Variants in PPP1R9B observed in about 807,000 individuals in gnomAD.
The protein encoded by PPP1R9B is neurabin-2.
A neutral mutation model predicts 75.8 loss-of-function variants in PPP1R9B; 17 were observed. The observed-to-expected ratio is 0.22, with a 90% CI of 0.15 to 0.34. The LOEUF (loss-of-function observed/expected upper bound fraction) is 0.34, where lower values mean the gene tolerates loss of function less well. Among genes scored for constraint, PPP1R9B ranks in the 10% least tolerant of loss-of-function variants. PPP1R9B has a pLI of 1.00. For synonymous variants in PPP1R9B, 509 were observed against 535.4 expected (o/e 0.95, Z 0.68); for missense variants, 875 against 1,196.0 (o/e 0.73, Z 3.96).
In PPP1R9B at chr17:50,150,279, C is replaced by A; in HGVS notation, c.235G>T (p.Gly79Cys). The A allele has an allele frequency of 7.0e-7, 1 of 1,420,756 alleles. No individual in the cohort carries two copies. The highest frequency in any genetic ancestry group is 1.5e-5 in the South Asian group (1 of 68,108). 88.0% of individuals were successfully genotyped at this position (1,420,756 alleles called of 1,614,324 possible). A position where few individuals can be genotyped will look rare whatever the true frequency, so the allele number is the denominator to read the frequency against. Residue 79 changes from glycine to cysteine, a missense_variant, in exon 1 of 10, where the codon GGC becomes TGC. By Grantham distance (159) the Gly-to-Cys change is radical. Coordinates refer to ENST00000612501, the MANE Select transcript of PPP1R9B (RefSeq NM_032595.5). This position sits in a 1 kb window ranked among gnomAD's most constrained non-coding sequence, Gnocchi z 8.7. Reference sequence around the variant, plus strand: ...GACGCCCGTGGGGCCTCGGCCAGGCCCGCGCCGCCGCCCGCCTCGCCCGAG... The same window carrying A: ...GACGCCCGTGGGGCCTCGGCCAGGCACGCGCCGCCGCCCGCCTCGCCCGAG... ...GPSGEAGGGA[G>C]LAEAPRASER...
chr17:50,141,513 A>C, intron 3 of PPP1R9B, 140 bp from the exon 4 acceptor site: 1 of 543,758 alleles, frequency 1.8e-6, no homozygotes, highest in African/African-American at 1.9e-5. Context: ...AAAAAGAAAA[A>C]TTAGCTGGGC....
At position 50,136,283 on chromosome 17, in the gene PPP1R9B, C is replaced by T. The variant is rs1182249569; in HGVS notation, c.2074-86G>A. Reference sequence around the variant, plus strand: ...CATCCTAGCACTGGGGCCAGAGTCGCCAGGGGATTCCTACCGTTGTGGAGT... The same window carrying T: ...CATCCTAGCACTGGGGCCAGAGTCGTCAGGGGATTCCTACCGTTGTGGAGT... On this transcript the variant is annotated intron_variant, in intron 7 of 9. Coordinates refer to ENST00000612501, the MANE Select transcript of PPP1R9B (RefSeq NM_032595.5). 9 of 1,113,278 alleles carry T rather than the reference C, an allele frequency of 8.1e-6. No homozygotes were observed. In the East Asian group the frequency reaches 2.0e-4, roughly 25 times the overall value. The allele number at this position is 1,113,278 out of a possible 1,614,324, so 69.0% of individuals were successfully genotyped here.
Position 50,137,082 on chromosome 17 carries a change from C to T in PPP1R9B, c.2074-885G>A, listed in dbSNP as rs367654122. Among the ~76,000 whole-genome samples the T allele has an allele frequency of 1.4e-4, 21 of 152,194 alleles. No individual in the cohort carries two copies. In the South Asian group the frequency reaches 2.3e-3, roughly 17 times the overall value. ...CCTCAGACTTGCCACAGGGCCTTTA[C>T]GTGTGCTGTCCCCTCTGCCTGGAAT... On this transcript the variant is annotated intron_variant, in intron 7 of 9. Transcript: ENST00000612501.
At position 50,136,141 on chromosome 17, in the gene PPP1R9B, C is replaced by T; in HGVS notation, c.2130G>A (p.Glu710=). The T allele has an allele frequency of 6.2e-7, 1 of 1,606,178 alleles. No homozygotes were observed. The highest frequency in any genetic ancestry group is 1.1e-5 in the South Asian group (1 of 91,086). Residue 710 remains glutamate (E), a synonymous_variant, in exon 8 of 10, where the codon GAG becomes GAA. Coordinates refer to ENST00000612501, the MANE Select transcript of PPP1R9B (RefSeq NM_032595.5). ...GRWRVEKAQL[E]QSVEENKERM... The stretch of plus-strand genomic sequence containing the variant: ...GCTCCTTGTTCTCCTCCACACTCTG[C>T]TCCAACTGCGCCTTCTCCACCCGCC...
Position 50,150,450 on chromosome 17 carries a change from C to T in PPP1R9B, c.64G>A (p.Ala22Thr), listed in dbSNP as rs1912666462. The T allele has an allele frequency of 2.2e-6, 3 of 1,390,128 alleles. No individual in the cohort carries two copies. The highest frequency in any genetic ancestry group is 2.8e-6 in the Non-Finnish European group (3 of 1,066,814). The allele number at this position is 1,390,128 out of a possible 1,614,324, so 86.1% of individuals were successfully genotyped here. A position where few individuals can be genotyped will look rare whatever the true frequency, so the allele number is the denominator to read the frequency against. Residue 22 changes from alanine (A) to threonine (T), a missense_variant, in exon 1 of 10, where the codon GCC becomes ACC. By Grantham distance (58) the Ala-to-Thr change is moderately conservative (BLOSUM62 0). This residue lies in a region of PPP1R9B where 145 missense variants were observed against 226.1 expected (regional missense o/e 0.64). Coordinates refer to ENST00000612501, the MANE Select transcript of PPP1R9B (RefSeq NM_032595.5). The surrounding 1 kb of genome is among the most constrained non-coding windows in gnomAD (Gnocchi z 8.7). ...PLRSASPHRS[A>T]YEAGIQALKP... is the part of the protein sequence containing the mutation. ...AGCGCCTGGATGCCCGCCTCGTAGG[C>T]GCTGCGGTGCGGGGAGGCGCTCCGG...
At position 50,145,128 on chromosome 17, in the gene PPP1R9B, C is replaced by T; in HGVS notation, c.1489G>A (p.Val497Met). 6.2e-7 allele frequency: 1 copy of T among 1,613,950 alleles called. No individual in the cohort carries two copies. Among genetic ancestry groups the T allele is most frequent in the Non-Finnish European group, 8.5e-7 (1 of 1,179,884 alleles). Residue 497 changes from valine (V) to methionine (M), a missense_variant, in exon 2 of 10, where the codon GTG becomes ATG. Physicochemically the swap from Val to Met is conservative, Grantham distance 21. Transcript: ENST00000612501. ...KRVERLELFP[V>M]ELEKDSEGLG... ...GGCCTCTCACCCTTCTCCAGCTCCA[C>T]AGGGAACAGCTCCAACCTCTCCACA...
chr17:50,139,383 C>T lies in PPP1R9B; in HGVS notation c.2019+46G>A, dbSNP rs564749857. 1.2e-6 allele frequency: 2 copies of T among 1,613,152 alleles called. No homozygotes were observed. The highest frequency in any genetic ancestry group is 1.3e-5 in the African/African-American group (1 of 75,048). ...GGCAGGCAGTGCCAAGGGCAGGAGA[C>T]CTGCCTGCCTTTCCCTCCACCACTC... On this transcript the variant is annotated intron_variant, in intron 6 of 9. Coordinates refer to ENST00000612501, the MANE Select transcript of PPP1R9B (RefSeq NM_032595.5). The surrounding 1 kb of genome is among the most constrained non-coding windows in gnomAD (Gnocchi z 5.0).
Position 50,149,463 on chromosome 17 carries a change from C to T in PPP1R9B, c.1051G>A (p.Ala351Thr). Residue 351 changes from alanine to threonine, a missense_variant, in exon 1 of 10, where the codon GCC (alanine) becomes ACC (threonine). Ala to Thr is a moderately conservative substitution (Grantham distance 58). Coordinates refer to ENST00000612501, the MANE Select transcript of PPP1R9B (RefSeq NM_032595.5). The surrounding 1 kb of genome is among the most constrained non-coding windows in gnomAD (Gnocchi z 7.2). ...ACCGCCGCCGCCTCCTTCTCCGGGG[C>T]CGCTTGGGCCTTTGGCTCCTCGGGC... ...PAPEEPKAQA[A>T]PEKEAAAVAP... 6.2e-7 allele frequency: 1 copy of T among 1,605,196 alleles called. No homozygotes were observed. Among genetic ancestry groups the T allele is most frequent in the Non-Finnish European group, 8.5e-7 (1 of 1,176,612 alleles).
In PPP1R9B at chr17:50,142,034, C is replaced by A. The variant is rs1308743780; in HGVS notation, c.1626-661G>T. Among the ~76,000 whole-genome samples the A allele has an allele frequency of 6.6e-6, 1 of 152,202 alleles. No homozygotes were observed. The highest frequency in any genetic ancestry group is 1.9e-4 in the East Asian group (1 of 5,202). ...CTTACGTGTACATTTCTGCACAGAA[C>A]TGAGTGCACAGATGTCCTCCCAAGT... On this transcript the variant is annotated intron_variant, in intron 3 of 9. Transcript: ENST00000612501. This position sits in a 1 kb window ranked among gnomAD's most constrained non-coding sequence, Gnocchi z 4.1.
At position 50,134,564 on chromosome 17, in the gene PPP1R9B, C is replaced by T. The variant is rs1007486393; in HGVS notation, c.*767G>A. On this transcript the variant is annotated 3_prime_UTR_variant, in exon 10 of 10. Transcript: ENST00000612501. Reference sequence around the variant, plus strand: ...TAACAGTTCCAAGACGAGGTTATGGCTATTTGGCACCTGGAAGAGGGGAGG... The same window carrying T: ...TAACAGTTCCAAGACGAGGTTATGGTTATTTGGCACCTGGAAGAGGGGAGG... 6.5e-6 allele frequency: 1 copy of T among 152,738 alleles called. No individual in the cohort carries two copies. Among genetic ancestry groups the T allele is most frequent in the Non-Finnish European group, 1.5e-5 (1 of 68,120 alleles). The allele number at this position is 152,738 out of a possible 1,614,324, so 9.5% of individuals were successfully genotyped here. A position where few individuals can be genotyped will look rare whatever the true frequency, so the allele number is the denominator to read the frequency against.
chr17:50,137,772 T>C (rs1912267005), intron 7 of PPP1R9B, among the ~76,000 whole-genome samples: 1 of 152,154 alleles, frequency 6.6e-6, no homozygotes, highest in East Asian at 1.9e-4. Context: ...CCAGAGCCCA[T>C]CCTGGCAGTC....
intron 4 of PPP1R9B, 195 bp from the exon 5 acceptor site, chr17:50,140,423 A>G: frequency 1.4e-6 from 1 of 713,126 alleles, no homozygotes; most frequent in Non-Finnish European, 2.3e-6. Flanking sequence ...CAAGGGAGGC[A>G]GGAAGGCCCA....
chr17:50,145,809 G>A (rs1326615809), intron 1 of PPP1R9B, among the ~76,000 whole-genome samples: 1 of 152,044 alleles, frequency 6.6e-6, no homozygotes, highest in Non-Finnish European at 1.5e-5. Context: ...CCCAGGACTG[G>A]CTCTGACTTG....
chr17:50,135,392 A>C lies in PPP1R9B; in HGVS notation c.2401-8T>G. ...TCCTTCCAGTTCTGAGATCTGGAAA[A>C]CAAAGGAGGGTAGGGGGTCAGGTCT... On this transcript the variant is annotated splice_polypyrimidine_tract_variant and splice_region_variant and intron_variant, in intron 9 of 9. Coordinates refer to ENST00000612501, the MANE Select transcript of PPP1R9B (RefSeq NM_032595.5). 1 of 1,613,484 alleles carries C rather than the reference A, an allele frequency of 6.2e-7. No individual in the cohort carries two copies. The highest frequency in any genetic ancestry group is 8.5e-7 in the Non-Finnish European group (1 of 1,179,566).
chr17:50,148,155 G>C (rs963562753), intron 1 of PPP1R9B, among the ~76,000 whole-genome samples: 7 of 152,176 alleles, frequency 4.6e-5, no homozygotes, highest in African/African-American at 1.4e-4. Flanking sequence ...ATTCCCCCCA[G>C]GGGATGTTCC....
intron 1 of PPP1R9B, among the ~76,000 whole-genome samples, chr17:50,147,808 C>T (rs1034823024): frequency 6.6e-6 from 1 of 152,090 alleles, no homozygotes; most frequent in African/African-American, 2.4e-5. Flanking sequence ...CTGAGAGCCA[C>T]TCACTTTTAA....
chr17:50,149,268 C>T lies in PPP1R9B; in HGVS notation c.1246G>A (p.Asp416Asn). Residue 416 changes from aspartate (D) to asparagine (N), a missense_variant, in exon 1 of 10, where the codon GAC becomes AAC. By Grantham distance (23) the Asp-to-Asn change is conservative (BLOSUM62 1). Around this residue, in one of 4 missense-constraint regions of PPP1R9B, gnomAD observed 449 missense variants for 475.0 expected, o/e 0.95. Transcript: ENST00000612501. The surrounding 1 kb of genome is among the most constrained non-coding windows in gnomAD (Gnocchi z 7.2). ...AGSALEEDDE[D>N]DEEDGEPPYE... ...GGGGGCTCCCCATCCTCCTCGTCGT[C>T]TTCGTCGTCCTCCTCCAGGGCACTG... The T allele has an allele frequency of 6.2e-7, 1 of 1,612,886 alleles. No individual in the cohort carries two copies. Among genetic ancestry groups the T allele is most frequent in the East Asian group, 2.2e-5 (1 of 44,836 alleles).
Position 50,141,343 on chromosome 17 carries a change from C to T in PPP1R9B, c.1656G>A (p.Val552=), listed in dbSNP as rs1347275192. The part of the protein sequence containing the change: ...RIQVNDLLVE[V]DGTSLVGVTQ... ...TCACTCCCACCAGACTTGTTCCATC[C>T]ACCTCCACCAGGAGATCATTCACCT... is the stretch of plus-strand genomic sequence containing the variant. Residue 552 remains valine, a synonymous_variant, in exon 4 of 10, where the codon GTG becomes GTA. Coordinates refer to ENST00000612501, the MANE Select transcript of PPP1R9B (RefSeq NM_032595.5). The T allele has an allele frequency of 1.3e-6, 2 of 1,591,058 alleles. No individual in the cohort carries two copies. Among genetic ancestry groups the T allele is most frequent in the Non-Finnish European group, 1.7e-6 (2 of 1,169,390 alleles).
At chr17:50,137,081 A>C (rs975488051) in intron 7 of PPP1R9B, among the ~76,000 whole-genome samples, 2 of 152,062 alleles carry the variant, frequency 1.3e-5, no homozygotes, top group African/African-American at 4.8e-5. Flanking sequence ...CAGGGCCTTT[A>C]CGTGTGCTGT....
Sources: allele counts gnomAD v4.1 joint callset (sites outside exome capture counted in the v4.1 genomes callset), GRCh38; gene constraint gnomAD v4.1.1; regional missense constraint gnomAD v4.1.1; non-coding constraint Gnocchi (gnomAD v3.1); transcripts MANE v1.5; gene names NCBI Gene and HGNC (gene_info 2026-07-23, HGNC 2026-07-21).